Variants in RIMKLA observed in about 807,000 individuals in gnomAD.
RIMKLA encodes the protein N-acetylaspartylglutamate synthase A.
In RIMKLA, 14 loss-of-function variants were observed where a neutral mutation model predicts 32.7. The observed-to-expected ratio is 0.43, with a 90% CI of 0.28 to 0.67. RIMKLA has a LOEUF of 0.67. Among genes scored for constraint, RIMKLA ranks in the 30% least tolerant of loss-of-function variants. The pLI is 0.18. For synonymous variants in RIMKLA, 176 were observed against 204.1 expected, an observed-to-expected ratio of 0.86 and a Z score of 1.18; for missense variants, 410 against 519.0, an observed-to-expected ratio of 0.79 and a Z score of 2.04.
intron 1 of RIMKLA, among the ~76,000 whole-genome samples, chr1:42,388,639 C>T (rs1033625513): frequency 1.3e-5 from 2 of 152,076 alleles, no homozygotes; most frequent in Non-Finnish European, 2.9e-5. Context: ...CTGCCGCAGC[C>T]TCCCAAGTAG....
rs1316552317 is a variant in RIMKLA at position 42,424,077 on chromosome 1, T to C, written c.*9103T>C. Reference sequence around the variant, plus strand: ...CCTGCCCAGGGATTTTCTTCTGCTCTAAAGGACATTATTAAGACAACTGGT... The same window carrying C: ...CCTGCCCAGGGATTTTCTTCTGCTCCAAAGGACATTATTAAGACAACTGGT... On this transcript the variant is annotated 3_prime_UTR_variant, in exon 5 of 5. Transcript: ENST00000431473. 1.3e-5 allele frequency among the ~76,000 whole-genome samples: 2 copies of C among 152,214 alleles called. No individual in the cohort carries two copies. The highest frequency in any genetic ancestry group is 4.8e-5 in the African/African-American group (2 of 41,460).
chr1:42,385,475 CCCTTA>C (rs1295571006), intron 1 of RIMKLA, among the ~76,000 whole-genome samples: 3 of 152,072 alleles, frequency 2.0e-5, no homozygotes, highest in Admixed American at 1.3e-4. Flanking sequence ...AGCATTCCTT[CCCTTA>C]CATTTAGAGC....
At position 42,416,097 on chromosome 1, in the gene RIMKLA, G is replaced by GGGGGT. The variant is rs1557759914; in HGVS notation, c.*1124_*1125insGGGTG. On this transcript the variant is annotated 3_prime_UTR_variant, in exon 5 of 5. Coordinates refer to ENST00000431473, the MANE Select transcript of RIMKLA (RefSeq NM_173642.4). ...CCATTGCACATTTTGCGGGGGGGGG[G>GGGGGT]GCTAATGTAGACATGACACCAAGTG... 7.7e-6 allele frequency: 1 copy of GGGGGT among 129,964 alleles called. No individual in the cohort carries two copies. Among genetic ancestry groups the GGGGGT allele is most frequent in the Non-Finnish European group, 1.7e-5 (1 of 57,940 alleles). 8.1% of individuals were successfully genotyped at this position (129,964 alleles called of 1,614,324 possible). A position where few individuals can be genotyped will look rare whatever the true frequency, so the allele number is the denominator to read the frequency against.
At chr1:42,397,298 G>A (rs1643055862) in intron 1 of RIMKLA, among the ~76,000 whole-genome samples, 1 of 152,110 alleles carries the variant, frequency 6.6e-6, no homozygotes, top group African/African-American at 2.4e-5. Context: ...TTCATCACCT[G>A]GTGGAGAAAT....
chr1:42,409,124 C>T (rs71654240), intron 3 of RIMKLA, among the ~76,000 whole-genome samples: 60,504 of 145,944 alleles, frequency 0.41, 12,797 homozygotes, highest in Middle Eastern at 0.56. Flanking sequence ...ATTGCTTGAA[C>T]CCGGGAGGTG....
At chr1:42,414,194 T>G (rs956661794) in intron 4 of RIMKLA, among the ~76,000 whole-genome samples, 1 of 152,002 alleles carries the variant, frequency 6.6e-6, no homozygotes, top group African/African-American at 2.4e-5. Context: ...ATGATTTGTA[T>G]TTTAAATAAT....
At chr1:42,394,016 C>CTCAG (rs1352516189) in intron 1 of RIMKLA, among the ~76,000 whole-genome samples, 7 of 152,224 alleles carry the variant, frequency 4.6e-5, no homozygotes, top group African/African-American at 1.7e-4. Context: ...ATCTCCTGAC[C>CTCAG]TCAGGTGATC....
chr1:42,406,606 T>C (rs1004931131), intron 3 of RIMKLA, among the ~76,000 whole-genome samples: 21 of 152,356 alleles, frequency 1.4e-4, no homozygotes, highest in Non-Finnish European at 1.9e-4. Context: ...TGTATGGCTG[T>C]ACCACATTTT....
rs375392782 is a variant in RIMKLA, at chr1:42,381,223, T to C, written c.163+126T>C. The C allele has an allele frequency of 3.9e-5, 25 of 644,264 alleles. No individual in the cohort carries two copies. The African/African-American group carries it at 3.9e-4, about 10-fold the overall frequency. 39.9% of individuals were successfully genotyped at this position (644,264 alleles called of 1,614,324 possible). On this transcript the variant is annotated intron_variant, in intron 1 of 4. Coordinates refer to ENST00000431473, the MANE Select transcript of RIMKLA (RefSeq NM_173642.4). ...TCGGGCCCGCACACTAGCCGCACTC[T>C]AGCTGCGAGACTTCTTGGGGTTGGA...
intron 3 of RIMKLA, among the ~76,000 whole-genome samples, chr1:42,406,689 AGTATGTAT>A (rs60731769): frequency 2.0e-5 from 3 of 151,922 alleles, no homozygotes; most frequent in African/African-American, 7.2e-5. Flanking sequence ...TTGTTATGTA[AGTATGTAT>A]GTATGTATGC....
rs1333244103 is a variant in RIMKLA at position 42,423,164 on chromosome 1, G to A, written c.*8190G>A. Among the ~76,000 whole-genome samples the A allele has an allele frequency of 2.0e-5, 3 of 152,164 alleles. No individual in the cohort carries two copies. The highest frequency in any genetic ancestry group is 2.9e-5 in the Non-Finnish European group (2 of 68,024). On this transcript the variant is annotated 3_prime_UTR_variant, in exon 5 of 5. Coordinates refer to ENST00000431473, the MANE Select transcript of RIMKLA (RefSeq NM_173642.4). ...TTCCCCAGCTTCTGAGGGTCAGGGA[G>A]TCCAAATTGAGGTCAGAGCATCAAA... is the stretch of plus-strand genomic sequence containing the variant.
At chr1:42,412,480 G>A in intron 4 of RIMKLA, 2 of 353,556 alleles carry the variant, frequency 5.7e-6, no homozygotes, top group Non-Finnish European at 1.1e-5. Flanking sequence ...GATGCCAGCT[G>A]AGGTTGTCAG....
At position 42,399,607 on chromosome 1, in the gene RIMKLA, G is replaced by T; in HGVS notation, c.367G>T (p.Val123Phe). The T allele has an allele frequency of 6.2e-7, 1 of 1,610,450 alleles. No individual in the cohort carries two copies. The highest frequency in any genetic ancestry group is 2.2e-5 in the East Asian group (1 of 44,822). Residue 123 changes from valine (V) to phenylalanine (F), a missense_variant, in exon 2 of 5, where the codon GTC becomes TTC. Val to Phe is a conservative substitution (Grantham distance 50). Transcript: ENST00000431473. The stretch of plus-strand genomic sequence containing the variant: ...GTTCCAAGAACTGGCTGGACATGGG[G>T]TCCCCATGCCAGACACCTTCTCCTA... ...WTFQELAGHG[V>F]PMPDTFSYGG...
intron 1 of RIMKLA, among the ~76,000 whole-genome samples, chr1:42,383,255 T>C (rs1642905210): frequency 1.3e-5 from 2 of 152,182 alleles, no homozygotes; most frequent in African/African-American, 4.8e-5. Context: ...AAGACAGGTA[T>C]TTTTTGATGC....
intron 1 of RIMKLA, among the ~76,000 whole-genome samples, chr1:42,384,511 G>GTA (rs1422089493): frequency 2.1e-5 from 3 of 145,660 alleles, no homozygotes; most frequent in African/African-American, 7.8e-5. Context: ...ATGTATATAT[G>GTA]TATATATGTG....
rs115566185 is a variant in RIMKLA at position 42,423,215 on chromosome 1, G to A, written c.*8241G>A. ...GGGATAGTGCTTGATTGCTGCAGCC[G>A]AGGATGATTTGGGGTATGACATTAT... On this transcript the variant is annotated 3_prime_UTR_variant, in exon 5 of 5. Coordinates refer to ENST00000431473, the MANE Select transcript of RIMKLA (RefSeq NM_173642.4). Among the ~76,000 whole-genome samples the A allele has an allele frequency of 6.9e-3, 1,045 of 152,276 alleles. 8 individuals are homozygous for A. The highest frequency in any genetic ancestry group is 0.024 in the African/African-American group (1,002 of 41,560).
intron 2 of RIMKLA, among the ~76,000 whole-genome samples, chr1:42,403,431 A>G (rs1301515550): frequency 6.6e-6 from 1 of 152,232 alleles, no homozygotes; most frequent in Non-Finnish European, 1.5e-5. Context: ...ATTACGGTGC[A>G]GTCATTAATG....
At chr1:42,413,416 A>G (rs1045678870) in intron 4 of RIMKLA, among the ~76,000 whole-genome samples, 2 of 149,256 alleles carry the variant, frequency 1.3e-5, no homozygotes, top group African/African-American at 5.0e-5. Context: ...CAAGAGGAGA[A>G]TTGCTTGAAT....
rs551428457 is a variant in RIMKLA at position 42,394,295 on chromosome 1, G to A, written c.164-5109G>A. On this transcript the variant is annotated intron_variant, in intron 1 of 4. Transcript: ENST00000431473. ...GTTTTTTCTGGCATACCAGACATCC[G>A]TTTGGTGTTGAAGCTTTCTTTAGTG... Among the ~76,000 whole-genome samples, 27 of 152,258 alleles carry A rather than the reference G, an allele frequency of 1.8e-4. 1 individual carries two copies. Among genetic ancestry groups the A allele is most frequent in the Admixed American group, 5.9e-4 (9 of 15,298 alleles).
Sources: gnomAD v4.1 joint callset for allele counts (sites outside exome capture counted in the v4.1 genomes callset) on GRCh38, gnomAD v4.1.1 for gene constraint, MANE v1.5 for transcripts, NCBI Gene and HGNC (gene_info 2026-07-23, HGNC 2026-07-21) for gene names.